The following GNB4 variants were observed in gnomAD, a reference collection of about 807,000 sequenced individuals.
GNB4 encodes the protein G protein subunit beta 4.
A neutral mutation model predicts 45.2 loss-of-function variants in GNB4; 28 were observed. That is an observed-to-expected ratio of 0.62 (90% CI 0.46 to 0.85). The LOEUF (loss-of-function observed/expected upper bound fraction) is 0.85, where lower values mean the gene tolerates loss of function less well. GNB4 is among the 40% of genes least tolerant of loss of function. GNB4 has a pLI of 0.00. For missense variants in GNB4, 321 were observed against 425.4 expected, an observed-to-expected ratio of 0.75 and a Z score of 2.16; for synonymous variants, 132 against 143.7, an observed-to-expected ratio of 0.92 and a Z score of 0.58.
upstream of GNB4, among the ~76,000 whole-genome samples, chr3:179,452,726 A>C (rs1715916208): frequency 6.6e-6 from 1 of 152,150 alleles, no homozygotes; most frequent in Admixed American, 6.5e-5. Context: ...AACTGTGGAT[A>C]ATTTTTCCCC....
chr3:179,509,989 A>T, the GNB4 span, among the ~76,000 whole-genome samples: 1 of 151,902 alleles, frequency 6.6e-6, no homozygotes, highest in Non-Finnish European at 1.5e-5. Context: ...ACGCCCAGCT[A>T]ATTTTTATTT....
chr3:179,425,314 C>G (rs1052342436), intron 2 of GNB4, among the ~76,000 whole-genome samples: 1 of 152,210 alleles, frequency 6.6e-6, no homozygotes, highest in Non-Finnish European at 1.5e-5. Context: ...TGCTGCTTCA[C>G]TGCATTTGGC....
At chr3:179,463,881 A>G in the GNB4 span, among the ~76,000 whole-genome samples, 1 of 152,168 alleles carries the variant, frequency 6.6e-6, no homozygotes, top group Non-Finnish European at 1.5e-5. Context: ...CCTGCTACTC[A>G]GAGTACTCCA....
chr3:179,470,700 G>A, the GNB4 span, among the ~76,000 whole-genome samples: 13 of 151,660 alleles, frequency 8.6e-5, no homozygotes, highest in South Asian at 2.3e-3. Context: ...ACGTGCCACC[G>A]CTCCAGCTAA....
chr3:179,497,683 T>G, the GNB4 span, among the ~76,000 whole-genome samples: 26 of 146,046 alleles, frequency 1.8e-4, no homozygotes, highest in Non-Finnish European at 1.5e-4. Context: ...TTACTGAGCA[T>G]ACAACTCAGT....
chr3:179,489,534 A>G, the GNB4 span, among the ~76,000 whole-genome samples: 1 of 152,116 alleles, frequency 6.6e-6, no homozygotes, highest in Non-Finnish European at 1.5e-5. Flanking sequence ...TCAGCTGCTC[A>G]GGGGGCTGAA....
At chr3:179,424,679 A>C (rs1202780330) in intron 2 of GNB4, among the ~76,000 whole-genome samples, 1 of 152,172 alleles carries the variant, frequency 6.6e-6, no homozygotes, top group South Asian at 2.1e-4. Flanking sequence ...ATCATGGTTC[A>C]CTGCAGCCTC....
the GNB4 span, among the ~76,000 whole-genome samples, chr3:179,468,035 A>ATATATAT: frequency 4.5e-5 from 4 of 89,858 alleles, no homozygotes; most frequent in Admixed American, 2.2e-4. Flanking sequence ...TGTTGATAAA[A>ATATATAT]ATATATATAT....
the GNB4 span, among the ~76,000 whole-genome samples, chr3:179,489,044 AT>A: frequency 1.4e-4 from 11 of 81,382 alleles, 1 homozygote; most frequent in Non-Finnish European, 2.1e-4. Flanking sequence ...ATATATATAT[AT>A]AATATATATG....
chr3:179,494,119 A>C, the GNB4 span, among the ~76,000 whole-genome samples: 1 of 152,182 alleles, frequency 6.6e-6, no homozygotes, highest in Non-Finnish European at 1.5e-5. Flanking sequence ...CCTAGCTCAT[A>C]ACCAAAACAG....
chr3:179,443,491 A>G (rs550098752), intron 1 of GNB4, among the ~76,000 whole-genome samples: 2 of 151,182 alleles, frequency 1.3e-5, no homozygotes, highest in Non-Finnish European at 3.0e-5. Context: ...GTGAGCCGAG[A>G]TCTCACCACT....
At chr3:179,468,504 AAAAAAAC>A in the GNB4 span, among the ~76,000 whole-genome samples, 14 of 150,566 alleles carry the variant, frequency 9.3e-5, no homozygotes, top group African/African-American at 2.2e-4. Context: ...TCAAGAAAAA[AAAAAAAC>A]AAAAAACAAA....
chr3:179,492,866 A>G, the GNB4 span, among the ~76,000 whole-genome samples: 4 of 152,194 alleles, frequency 2.6e-5, no homozygotes, highest in Non-Finnish European at 5.9e-5. Flanking sequence ...TTGACACTGA[A>G]GTCCACAACA....
chr3:179,489,033 TA>T, the GNB4 span, among the ~76,000 whole-genome samples: 3 of 72,028 alleles, frequency 4.2e-5, no homozygotes, highest in African/African-American at 1.8e-4. Flanking sequence ...TATATATATA[TA>T]TATATATATA....
In GNB4 at chr3:179,445,627, T is replaced by C. The variant is rs115629684; in HGVS notation, c.-43+5719A>G. Among the ~76,000 whole-genome samples, 611 of 152,322 alleles carry C rather than the reference T, an allele frequency of 4.0e-3. 2 individuals are homozygous for C. The highest frequency in any genetic ancestry group is 0.01 in the Middle Eastern group (3 of 294). On this transcript the variant is annotated intron_variant, in intron 1 of 9. Transcript: ENST00000232564. ...AGGTAAGAATTAATGTTTAAGGATA[T>C]TCATTAACCAATTGTATATATGACA...
intron 1 of GNB4, among the ~76,000 whole-genome samples, chr3:179,430,047 T>TTGTG (rs1213462487): frequency 7.3e-6 from 1 of 136,306 alleles, no homozygotes; most frequent in Non-Finnish European, 1.6e-5. Flanking sequence ...CTCATCTTCC[T>TTGTG]TGTGTGTGTG....
intron 4 of GNB4, among the ~76,000 whole-genome samples, chr3:179,418,484 AAAAAG>A (rs1714872349): frequency 1.4e-5 from 2 of 142,954 alleles, no homozygotes; most frequent in African/African-American, 2.5e-5. Flanking sequence ...AAAAAAAAAA[AAAAAG>A]AAAAAAGAAA....
intron 8 of GNB4, 95 bp from the exon 9 acceptor site, chr3:179,405,501 T>G (rs942758731): frequency 2.4e-6 from 2 of 847,716 alleles, no homozygotes; most frequent in Non-Finnish European, 3.6e-6. Context: ...ATATTCCAAC[T>G]TGGCTACCTA....
the GNB4 span, among the ~76,000 whole-genome samples, chr3:179,457,341 A>G: frequency 4.6e-5 from 7 of 152,222 alleles, no homozygotes; most frequent in Admixed American, 2.6e-4. Context: ...GTTCAGGTAG[A>G]GTGTGTGATG....
Sources: allele counts gnomAD v4.1 joint callset (sites outside exome capture counted in the v4.1 genomes callset), GRCh38; gene constraint gnomAD v4.1.1; transcripts MANE v1.5; gene names NCBI Gene and HGNC (gene_info 2026-07-23, HGNC 2026-07-21).